ADARB2: variants seen among roughly 807,000 people sequenced by gnomAD.
ADARB2 encodes the protein inactive double-stranded RNA-specific editase B2.
A neutral mutation model predicts 62.2 loss-of-function variants in ADARB2; 25 were observed. The observed-to-expected ratio is 0.40, with a 90% confidence interval of 0.29 to 0.56. The LOEUF (loss-of-function observed/expected upper bound fraction) is 0.56. Among genes scored for constraint, ADARB2 ranks in the 20% least tolerant of loss-of-function variants. The pLI is 0.43. For synonymous variants in ADARB2, 572 were observed against 500.8 expected, an observed-to-expected ratio of 1.14 and a Z score of -1.90; for missense variants, 1,071 against 1,077.4, an observed-to-expected ratio of 0.99 and a Z score of 0.08.
In ADARB2 at chr10:1,216,953, G is replaced by A; in HGVS notation, c.1680C>T (p.Ala560=). 1 of 1,606,060 alleles carries A rather than the reference G, an allele frequency of 6.2e-7. No homozygotes were observed. ...CGAGAGGAAGCCGTGGGCCTCACCT[G>A]GCGATCTTGTCCGTGCAGGACATGG... ...LITMSCTDKI[A]RWNVLGLQGA... Residue 560 remains alanine (A), a splice_region_variant and synonymous_variant, in exon 7 of 10, where the codon GCC becomes GCT. Transcript: ENST00000381312.
At chr10:1,333,792 C>T (rs1358728703) in intron 3 of ADARB2, among the ~76,000 whole-genome samples, 1 of 152,174 alleles carries the variant, frequency 6.6e-6, no homozygotes, top group Non-Finnish European at 1.5e-5. Flanking sequence ...ATTGCCTGTG[C>T]CCTCGGTTCA....
chr10:1,645,132 C>G (rs1191583126), intron 1 of ADARB2, among the ~76,000 whole-genome samples: 1 of 152,188 alleles, frequency 6.6e-6, no homozygotes, highest in Non-Finnish European at 1.5e-5. Context: ...GGGATCTGGC[C>G]CCCTTTGCAG....
At chr10:1,325,314 C>T (rs185745305) in intron 3 of ADARB2, among the ~76,000 whole-genome samples, 7 of 152,298 alleles carry the variant, frequency 4.6e-5, no homozygotes, top group Middle Eastern at 3.4e-3. Context: ...TGAGGACTTC[C>T]GACTGCACGC....
intron 1 of ADARB2, among the ~76,000 whole-genome samples, chr10:1,394,520 A>C (rs1832595195): frequency 6.6e-6 from 1 of 152,206 alleles, no homozygotes; most frequent in Non-Finnish European, 1.5e-5. Context: ...TCTATTTGTT[A>C]ACTGGTTGCC....
chr10:1,625,465 C>T (rs1264478741), intron 1 of ADARB2, among the ~76,000 whole-genome samples: 1 of 152,142 alleles, frequency 6.6e-6, no homozygotes, highest in Non-Finnish European at 1.5e-5. Context: ...GGAAACAATG[C>T]TGGGATCCCA....
chr10:1,454,876 C>A (rs557430428), intron 1 of ADARB2, among the ~76,000 whole-genome samples: 5 of 152,196 alleles, frequency 3.3e-5, no homozygotes, highest in African/African-American at 1.2e-4. Flanking sequence ...AAAGAAGACC[C>A]TTGCTGAGCT....
chr10:1,395,991 T>C (rs1832609511), intron 1 of ADARB2, among the ~76,000 whole-genome samples: 1 of 152,206 alleles, frequency 6.6e-6, no homozygotes, highest in Admixed American at 6.5e-5. Context: ...CTGAGCCACA[T>C]TGTCTGCTCT....
At position 1,338,976 on chromosome 10, in the gene ADARB2, G is replaced by C. The variant is rs549280803; in HGVS notation, c.1077+24052C>G. 3.3e-5 allele frequency among the ~76,000 whole-genome samples: 5 copies of C among 152,312 alleles called. No homozygotes were observed. In the East Asian group the frequency reaches 7.7e-4, roughly 23 times the overall value. ...CCACATTCCAACACCAGCAGCCTCG[G>C]CTGGGTCTCATACTCTGGATTCAAA... On this transcript the variant is annotated intron_variant, in intron 3 of 9. Coordinates refer to ENST00000381312, the MANE Select transcript of ADARB2 (RefSeq NM_018702.4).
intron 1 of ADARB2, among the ~76,000 whole-genome samples, chr10:1,724,328 G>T (rs772359453): frequency 5.9e-5 from 9 of 152,170 alleles, no homozygotes; most frequent in Non-Finnish European, 1.2e-4. Context: ...TAACTGTAAA[G>T]AGCTGTTATC....
chr10:1,651,704 G>C (rs1405047305), intron 1 of ADARB2, among the ~76,000 whole-genome samples: 1 of 152,202 alleles, frequency 6.6e-6, no homozygotes, highest in Non-Finnish European at 1.5e-5. Flanking sequence ...ACAGCAGACA[G>C]CGAAGCGGGG....
rs1325086396 is a variant in ADARB2 at position 1,295,554 on chromosome 10, TGGTGGTG to T, written c.1078-24492_1078-24486del. 3.3e-5 allele frequency among the ~76,000 whole-genome samples: 5 copies of T among 151,828 alleles called. No homozygotes were observed. The East Asian group carries it at 9.7e-4, about 29-fold the overall frequency. The stretch of plus-strand genomic sequence containing the variant: ...AGAGGACCCTGAGTGCCGCTCTCTC[TGGTGGTG>T]GGAGTCTGGGCTCTGAGCTGACGTG... On this transcript the variant is annotated intron_variant, in intron 3 of 9. Transcript: ENST00000381312.
At chr10:1,382,782 T>A (rs1268590148) in intron 1 of ADARB2, among the ~76,000 whole-genome samples, 1 of 150,876 alleles carries the variant, frequency 6.6e-6, no homozygotes, top group Non-Finnish European at 1.5e-5. Flanking sequence ...CTCCCCACGC[T>A]ACCGCCGCCT....
At chr10:1,486,415 G>T (rs1831543258) in intron 1 of ADARB2, among the ~76,000 whole-genome samples, 1 of 152,122 alleles carries the variant, frequency 6.6e-6, no homozygotes, top group African/African-American at 2.4e-5. Context: ...AAATCATCTG[G>T]AGAGTCGAAC....
At chr10:1,691,902 T>A (rs1253403018) in intron 1 of ADARB2, among the ~76,000 whole-genome samples, 1 of 125,692 alleles carries the variant, frequency 8.0e-6, no homozygotes, top group African/African-American at 2.5e-5. Flanking sequence ...TTACTAAATG[T>A]GTGTGTGTGT....
At chr10:1,390,424 G>A (rs1440000270) in intron 1 of ADARB2, among the ~76,000 whole-genome samples, 2 of 152,118 alleles carry the variant, frequency 1.3e-5, no homozygotes, top group Admixed American at 6.5e-5. Flanking sequence ...TAACATGTGC[G>A]GTTTGTACAT....
At chr10:1,639,178 G>C (rs1746420717) in intron 1 of ADARB2, among the ~76,000 whole-genome samples, 1 of 152,254 alleles carries the variant, frequency 6.6e-6, no homozygotes, top group African/African-American at 2.4e-5. Context: ...TGCCAAGCCT[G>C]TCCTGGAACT....
At chr10:1,206,554 G>C (rs754787980) in intron 7 of ADARB2, among the ~76,000 whole-genome samples, 10 of 152,202 alleles carry the variant, frequency 6.6e-5, no homozygotes, top group Admixed American at 1.3e-4. Context: ...TGTGCGGTCT[G>C]AGAGAACTGC....
At chr10:1,698,568 G>A (rs751203467) in intron 1 of ADARB2, among the ~76,000 whole-genome samples, 1 of 152,170 alleles carries the variant, frequency 6.6e-6, no homozygotes, top group African/African-American at 2.4e-5. Flanking sequence ...GGCTGACACT[G>A]CAGCTGGGTA....
At chr10:1,462,168 C>T (rs1831182609) in intron 1 of ADARB2, among the ~76,000 whole-genome samples, 2 of 152,168 alleles carry the variant, frequency 1.3e-5, no homozygotes, top group African/African-American at 4.8e-5. Context: ...CCACCACCCC[C>T]AGGCCCCCTG....
Sources: gnomAD v4.1 joint callset for allele counts (sites outside exome capture counted in the v4.1 genomes callset) on GRCh38, gnomAD v4.1.1 for gene constraint, MANE v1.5 for transcripts, NCBI Gene and HGNC (gene_info 2026-07-23, HGNC 2026-07-21) for gene names.